Variants in SECTM1 observed in about 807,000 individuals in gnomAD.
SECTM1 encodes the protein secreted and transmembrane protein 1.
SECTM1 carries 10 observed loss-of-function variants against 18.1 expected under a neutral mutation model. The observed-to-expected ratio is 0.55, with a 90% confidence interval of 0.34 to 0.94. SECTM1 has a LOEUF of 0.94. Ranked by LOEUF, SECTM1 falls within the 40% of genes least tolerant of loss-of-function variation. SECTM1 has a pLI of 0.02. For synonymous variants in SECTM1, 137 were observed against 139.2 expected (o/e 0.98, Z 0.11); for missense variants, 297 against 322.6 (o/e 0.92, Z 0.61).
At chr17:82,331,555 G>A (rs1005444990) in intron 1 of SECTM1, among the ~76,000 whole-genome samples, 2 of 152,228 alleles carry the variant, frequency 1.3e-5, no homozygotes, top group East Asian at 1.9e-4. Context: ...ATTAAAACAC[G>A]ATTAACGATC....
In SECTM1 at chr17:82,321,802, G is replaced by A. The variant is rs1007537719; in HGVS notation, c.*359C>T. ...GGCAGGGGCCCCCTCACTTGGGCGC[G>A]GAGCCCTGGGAGTGGAGAGAGCGGA... is the stretch of plus-strand genomic sequence containing the variant. On this transcript the variant is annotated 3_prime_UTR_variant, in exon 5 of 5. Coordinates refer to ENST00000269389, the MANE Select transcript of SECTM1 (RefSeq NM_003004.3). 6 of 245,444 alleles carry A rather than the reference G, an allele frequency of 2.4e-5. No homozygotes were observed. The highest frequency in any genetic ancestry group is 9.5e-5 in the South Asian group (2 of 20,952). 15.2% of individuals were successfully genotyped at this position (245,444 alleles called of 1,614,324 possible).
In SECTM1 at chr17:82,322,041, C is replaced by T. The variant is rs1182781108; in HGVS notation, c.*120G>A. On this transcript the variant is annotated 3_prime_UTR_variant, in exon 5 of 5. Coordinates refer to ENST00000269389, the MANE Select transcript of SECTM1 (RefSeq NM_003004.3). Reference sequence around the variant, plus strand: ...CACCCAGGAGTGGGTGACACAGAGGCCCAGCCTGCCAAGCAAGCCGGTGTC... The same window carrying T: ...CACCCAGGAGTGGGTGACACAGAGGTCCAGCCTGCCAAGCAAGCCGGTGTC... The T allele has an allele frequency of 3.2e-6, 3 of 928,856 alleles. No homozygotes were observed. The highest frequency in any genetic ancestry group is 5.0e-6 in the Non-Finnish European group (3 of 598,204). The allele number at this position is 928,856 out of a possible 1,614,324, so 57.5% of individuals were successfully genotyped here.
At position 82,326,912 on chromosome 17, in the gene SECTM1, C is replaced by T. The variant is rs146372340; in HGVS notation, c.94+235G>A. Among the ~76,000 whole-genome samples the T allele has an allele frequency of 0.03, 4,233 of 142,904 alleles. 122 individuals carry two copies. Among genetic ancestry groups the T allele is most frequent in the African/African-American group, 0.054 (2,016 of 37,058 alleles). The allele number at this position is 142,904 out of a possible 152,430, so 93.8% of individuals were successfully genotyped here. Reference sequence around the variant, plus strand: ...CCACAGCGGGCACCACCGCCCTCCACCCACGGCGGGACACGGCCCACTCAC... The same window carrying T: ...CCACAGCGGGCACCACCGCCCTCCATCCACGGCGGGACACGGCCCACTCAC... On this transcript the variant is annotated intron_variant, in intron 2 of 4. Transcript: ENST00000269389. This position sits in a 1 kb window ranked among gnomAD's most constrained non-coding sequence, Gnocchi z 4.3.
chr17:82,322,129 G>A lies in SECTM1; in HGVS notation c.*32C>T. ...CACCCAAGGTCGGCACTCAGGGCTG[G>A]CTCTCCTGTGTCCTCTCTGCCTTGC... On this transcript the variant is annotated 3_prime_UTR_variant, in exon 5 of 5. Coordinates refer to ENST00000269389, the MANE Select transcript of SECTM1 (RefSeq NM_003004.3). 6.2e-7 allele frequency: 1 copy of A among 1,608,318 alleles called. No individual in the cohort carries two copies. The highest frequency in any genetic ancestry group is 8.5e-7 in the Non-Finnish European group (1 of 1,175,478).
At position 82,329,112 on chromosome 17, in the gene SECTM1, G is replaced by A. The variant is rs1490107244; in HGVS notation, c.-52-1820C>T. 3 of 151,700 alleles carry A rather than the reference G, an allele frequency of 2.0e-5. No homozygotes were observed. The highest frequency in any genetic ancestry group is 4.9e-5 in the African/African-American group (2 of 41,216). The allele number at this position is 151,700 out of a possible 1,614,324, so 9.4% of individuals were successfully genotyped here. Reference sequence around the variant, plus strand: ...GGGGTCCTCCTGGAGCCTGGAGTCTGGGCCTGCTGAGGACCTGGCTTGCAG... The same window carrying A: ...GGGGTCCTCCTGGAGCCTGGAGTCTAGGCCTGCTGAGGACCTGGCTTGCAG... On this transcript the variant is annotated intron_variant, in intron 1 of 4. Transcript: ENST00000269389. This position sits in a 1 kb window ranked among gnomAD's most constrained non-coding sequence, Gnocchi z 7.6.
rs900863922 is a variant in SECTM1, at chr17:82,325,370, G to A, written c.95-480C>T. 2.6e-5 allele frequency among the ~76,000 whole-genome samples: 4 copies of A among 152,246 alleles called. No individual in the cohort carries two copies. The highest frequency in any genetic ancestry group is 1.9e-4 in the East Asian group (1 of 5,198). The stretch of plus-strand genomic sequence containing the variant: ...AGGCCTAGGCCAGGTGCAGGTGCTC[G>A]GCTGCGTGAGGAAGGGCAGGGCTTC... On this transcript the variant is annotated intron_variant, in intron 2 of 4. Transcript: ENST00000269389. This position sits in a 1 kb window ranked among gnomAD's most constrained non-coding sequence, Gnocchi z 7.6.
rs1599658674 is a variant in SECTM1, at chr17:82,333,757, C to T, written c.-110G>A. 1 of 152,532 alleles carries T rather than the reference C, an allele frequency of 6.6e-6. No homozygotes were observed. The highest frequency in any genetic ancestry group is 6.5e-5 in the Admixed American group (1 of 15,280). 9.4% of individuals were successfully genotyped at this position (152,532 alleles called of 1,614,324 possible). ...GCAGCTTCTCCGCGCCCCGGAGCCC[C>T]AGGAAAATGAAAGACACGAGAGGGA... On this transcript the variant is annotated 5_prime_UTR_variant, in exon 1 of 5. Coordinates refer to ENST00000269389, the MANE Select transcript of SECTM1 (RefSeq NM_003004.3).
At position 82,322,191 on chromosome 17, in the gene SECTM1, T is replaced by C. The variant is rs780416319; in HGVS notation, c.717A>G (p.Gln239=). 6.2e-7 allele frequency: 1 copy of C among 1,613,132 alleles called. No homozygotes were observed. Among genetic ancestry groups the C allele is most frequent in the East Asian group, 2.2e-5 (1 of 44,828 alleles). The part of the protein sequence containing the change: ...PLGALELLSP[Q]PLFPYAADP ...GGTCTGCGGCATATGGAAACAAGGG[T>C]TGGGGGGACAGCAGCTCCAGGGCTC... Residue 239 remains glutamine, a synonymous_variant, in exon 5 of 5, where the codon CAA becomes CAG. Coordinates refer to ENST00000269389, the MANE Select transcript of SECTM1 (RefSeq NM_003004.3).
chr17:82,324,533 G>A (rs1394221862), intron 3 of SECTM1, 49 bp downstream of exon 3: 7 of 85,584 alleles, frequency 8.2e-5, no homozygotes, highest in African/African-American at 5.0e-4. Flanking sequence ...TCCCCTCCCC[G>A]TGTCCCCTCT....
intron 3 of SECTM1, among the ~76,000 whole-genome samples, chr17:82,324,001 C>G (rs946682759): frequency 6.6e-6 from 1 of 151,846 alleles, no homozygotes; most frequent in Non-Finnish European, 1.5e-5. Context: ...CGGGGCAGGA[C>G]CGTGGCAGCC....
At position 82,328,018 on chromosome 17, in the gene SECTM1, C is replaced by T. The variant is rs187307048; in HGVS notation, c.-52-726G>A. On this transcript the variant is annotated intron_variant, in intron 1 of 4. Coordinates refer to ENST00000269389, the MANE Select transcript of SECTM1 (RefSeq NM_003004.3). The surrounding 1 kb of genome is among the most constrained non-coding windows in gnomAD (Gnocchi z 5.8). Reference sequence around the variant, plus strand: ...CCTCCCCGGCCTGTCCACCAGCCCCCCCACCACCCTGCCCGTCCACCAGCC... The same window carrying T: ...CCTCCCCGGCCTGTCCACCAGCCCCTCCACCACCCTGCCCGTCCACCAGCC... 8.2e-3 allele frequency: 1,231 copies of T among 150,018 alleles called. 12 individuals are homozygous for T. The highest frequency in any genetic ancestry group is 0.017 in the Middle Eastern group (5 of 296). The allele number at this position is 150,018 out of a possible 1,614,324, so 9.3% of individuals were successfully genotyped here.
At position 82,327,231 on chromosome 17, in the gene SECTM1, A is replaced by G; in HGVS notation, c.10T>C (p.Cys4Arg). The G allele has an allele frequency of 6.2e-7, 1 of 1,607,992 alleles. No individual in the cohort carries two copies. Among genetic ancestry groups the G allele is most frequent in the Non-Finnish European group, 8.5e-7 (1 of 1,177,176 alleles). ...ACGTGGCCAGGGAATGCCAGGGGGC[A>G]GGTCTGCATGGCTGGTGGGACTTGG... MQT[C>R]PLAFPGHVSQ... is the part of the protein sequence containing the mutation. The change falls in exon 2 of 5, where the codon TGC becomes CGC. Residue 4 changes from cysteine (C) to arginine (R), a missense_variant. Cys to Arg is a radical substitution (Grantham distance 180). Transcript: ENST00000269389.
rs1174504279 is a variant in SECTM1, at chr17:82,326,955, GGCGGGACACGGTCCACTCACCGCCA to G, written c.94+167_94+191del. On this transcript the variant is annotated intron_variant, in intron 2 of 4. Coordinates refer to ENST00000269389, the MANE Select transcript of SECTM1 (RefSeq NM_003004.3). This position sits in a 1 kb window ranked among gnomAD's most constrained non-coding sequence, Gnocchi z 4.3. ...CCACTCACCACCACCCTCCACCCAC[GGCGGGACACGGTCCACTCACCGCCA>G]CCTGAGGCAGCCCAGCTCCACATGG... 5.2e-4 allele frequency among the ~76,000 whole-genome samples: 79 copies of G among 152,052 alleles called. 1 individual carries two copies. Among genetic ancestry groups the G allele is most frequent in the Non-Finnish European group, 5.4e-4 (37 of 67,966 alleles).
At chr17:82,333,287 C>T (rs2052206868) in intron 1 of SECTM1, among the ~76,000 whole-genome samples, 1 of 152,228 alleles carries the variant, frequency 6.6e-6, no homozygotes, top group Non-Finnish European at 1.5e-5. Context: ...GAGGAGGGGG[C>T]TCCGACCCAT....
intron 3 of SECTM1, chr17:82,323,333 A>C: frequency 3.0e-6 from 1 of 328,482 alleles, no homozygotes; most frequent in Non-Finnish European, 5.8e-6. Context: ...AAGAGATGCA[A>C]GGGCAGGGGA....
At chr17:82,327,460 A>T (rs2052156524) in intron 1 of SECTM1, among the ~76,000 whole-genome samples, 168 bp from the exon 2 acceptor site, 1 of 152,174 alleles carries the variant, frequency 6.6e-6, no homozygotes, top group Non-Finnish European at 1.5e-5. Context: ...GTGCCTGTAG[A>T]GGGTGTGCAA....
In SECTM1 at chr17:82,330,911, C is replaced by T. The variant is rs73999892; in HGVS notation, c.-53+2789G>A. On this transcript the variant is annotated intron_variant, in intron 1 of 4. Transcript: ENST00000269389. The surrounding 1 kb of genome is among the most constrained non-coding windows in gnomAD (Gnocchi z 6.1). The stretch of plus-strand genomic sequence containing the variant: ...CCTGGCGGCCTGGACTGCACCGTTC[C>T]GGAGATGCTGCCTCCCCACCAAGTC... Among the ~76,000 whole-genome samples, 8,796 of 152,200 alleles carry T rather than the reference C, an allele frequency of 0.058. 358 individuals are homozygous for T. Among genetic ancestry groups the T allele is most frequent in the African/African-American group, 0.11 (4,446 of 41,502 alleles).
At chr17:82,322,727 C>A (rs183353943) in intron 4 of SECTM1, 151 bp downstream of exon 4, 3 of 1,002,600 alleles carry the variant, frequency 3.0e-6, no homozygotes, top group African/African-American at 3.2e-5. Context: ...GCCGGCTGGG[C>A]CCCTGGCGGG....
chr17:82,321,926 C>G lies in SECTM1; in HGVS notation c.*235G>C. ...GGGAGGGGCATGCGTCCTGGTAAGT[C>G]GGGTGCTGCGGAGGTGAGGTGGTTC... On this transcript the variant is annotated 3_prime_UTR_variant, in exon 5 of 5. Transcript: ENST00000269389. The G allele has an allele frequency of 1.8e-6, 1 of 547,260 alleles. No individual in the cohort carries two copies. The highest frequency in any genetic ancestry group is 2.1e-5 in the South Asian group (1 of 48,216). 33.9% of individuals were successfully genotyped at this position (547,260 alleles called of 1,614,324 possible). A position where few individuals can be genotyped will look rare whatever the true frequency, so the allele number is the denominator to read the frequency against.
Sources: allele counts gnomAD v4.1 joint callset (sites outside exome capture counted in the v4.1 genomes callset), GRCh38; gene constraint gnomAD v4.1.1; non-coding constraint Gnocchi (gnomAD v3.1); transcripts MANE v1.5; gene names NCBI Gene and HGNC (gene_info 2026-07-23, HGNC 2026-07-21).